Variants in KALRN observed in about 807,000 individuals in gnomAD.
KALRN encodes kalirin RhoGEF kinase.
In KALRN, 70 loss-of-function variants were observed where a neutral mutation model predicts 353.7. The observed-to-expected ratio is 0.20, with a 90% CI of 0.16 to 0.24. The LOEUF is 0.24. Among genes scored for constraint, KALRN ranks in the 10% least tolerant of loss-of-function variants. The probability of loss-of-function intolerance (pLI) is 1.00; values close to 1 mark genes in which losing one functional copy is unlikely to be tolerated. For missense variants in KALRN, 2,791 were observed against 3,756.7 expected (o/e 0.74, Z 6.72); for synonymous variants, 1,391 against 1,434.8 (o/e 0.97, Z 0.69).
chr3:124,580,384 G>GGT (rs1398227667), intron 34 of KALRN, among the ~76,000 whole-genome samples: 35 of 148,484 alleles, frequency 2.4e-4, no homozygotes, highest in Non-Finnish European at 2.8e-4. Context: ...GGGGAGGGGG[G>GGT]ACTCAGGCAG....
At chr3:124,518,665 TCTC>T (rs1372944344) in intron 33 of KALRN, 2 of 1,441,156 alleles carry the variant, frequency 1.4e-6, no homozygotes, top group Admixed American at 5.5e-5. Flanking sequence ...GCTCCCTTCT[TCTC>T]TACTGGGTGC....
intron 1 of KALRN, among the ~76,000 whole-genome samples, chr3:124,089,458 G>A (rs1032904590): frequency 2.6e-5 from 4 of 152,056 alleles, no homozygotes; most frequent in African/African-American, 4.8e-5. Flanking sequence ...GGGGGTGAAC[G>A]GCCTCCTGTT....
chr3:124,305,418 C>A (rs534622261), intron 6 of KALRN, among the ~76,000 whole-genome samples: 2 of 152,182 alleles, frequency 1.3e-5, no homozygotes, highest in East Asian at 3.9e-4. Context: ...TCAAAGAGAC[C>A]CAAATTTAAT....
intron 34 of KALRN, among the ~76,000 whole-genome samples, chr3:124,570,395 T>C (rs1203568797): frequency 6.6e-6 from 1 of 152,204 alleles, no homozygotes; most frequent in Admixed American, 6.5e-5. Context: ...AGATGTGAGG[T>C]AGTCCTTTGA....
chr3:124,123,493 T>C (rs2064280667), intron 1 of KALRN, among the ~76,000 whole-genome samples: 1 of 152,160 alleles, frequency 6.6e-6, no homozygotes, highest in Admixed American at 6.6e-5. Context: ...AGTTTGAAGC[T>C]AGCAGAGGTT....
Position 124,462,507 on chromosome 3 carries a change from CTG to C in KALRN, c.3922-15_3922-14del, listed in dbSNP as rs776377450. ...CCTGCCAGACTTGCCAGTGATGAAA[CTG>C]TTACTGTCTTACAGACCTACCTGTG... On this transcript the variant is annotated splice_polypyrimidine_tract_variant and intron_variant, in intron 24 of 59. Coordinates refer to ENST00000682506, the MANE Select transcript of KALRN (RefSeq NM_001388419.1). 19 of 1,456,534 alleles carry C rather than the reference CTG, an allele frequency of 1.3e-5. No homozygotes were observed. Among genetic ancestry groups the C allele is most frequent in the Non-Finnish European group, 1.6e-5 (17 of 1,039,226 alleles). The allele number at this position is 1,456,534 out of a possible 1,614,324, so 90.2% of individuals were successfully genotyped here.
chr3:124,292,663 G>C (rs893495571), intron 5 of KALRN, among the ~76,000 whole-genome samples: 6 of 152,146 alleles, frequency 3.9e-5, no homozygotes, highest in Non-Finnish European at 8.8e-5. Context: ...TGCATGTCTA[G>C]GTGGGTGGGC....
intron 2 of KALRN, among the ~76,000 whole-genome samples, chr3:124,232,948 A>T (rs2079339229): frequency 6.6e-6 from 1 of 152,166 alleles, no homozygotes; most frequent in Non-Finnish European, 1.5e-5. Context: ...TGCACTTTAA[A>T]ATCATATAAT....
chr3:124,595,094 T>C (rs557662306), intron 34 of KALRN, among the ~76,000 whole-genome samples: 30 of 152,120 alleles, frequency 2.0e-4, no homozygotes, highest in Admixed American at 5.2e-4. Flanking sequence ...ATGGGAAAAT[T>C]TGAAAATACA....
At chr3:124,247,546 A>T (rs1430364204) in intron 3 of KALRN, among the ~76,000 whole-genome samples, 3 of 152,292 alleles carry the variant, frequency 2.0e-5, no homozygotes, top group South Asian at 2.1e-4. Flanking sequence ...AATCAAATTT[A>T]AAAAAACTAA....
intron 8 of KALRN, among the ~76,000 whole-genome samples, chr3:124,333,769 T>A (rs2080845549): frequency 6.6e-6 from 1 of 152,028 alleles, no homozygotes; most frequent in Non-Finnish European, 1.5e-5. Context: ...GCACCTGTAA[T>A]CCCAGCTACT....
chr3:124,679,962 C>A (rs2087602179), intron 51 of KALRN, among the ~76,000 whole-genome samples: 1 of 152,222 alleles, frequency 6.6e-6, no homozygotes, highest in African/African-American at 2.4e-5. Context: ...CCTTTATCCT[C>A]TTCATCTTGC....
At chr3:124,190,911 CA>C (rs1175905135) in intron 1 of KALRN, among the ~76,000 whole-genome samples, 1 of 152,162 alleles carries the variant, frequency 6.6e-6, no homozygotes, top group Non-Finnish European at 1.5e-5. Context: ...TAAGTGTCCC[CA>C]ACTTCAGATA....
intron 34 of KALRN, among the ~76,000 whole-genome samples, chr3:124,571,759 TG>T (rs1318194611): frequency 2.0e-5 from 3 of 151,736 alleles, no homozygotes; most frequent in Non-Finnish European, 4.4e-5. Flanking sequence ...GGCAAATAGC[TG>T]GGACCACAGG....
At chr3:124,478,544 A>G (rs1456465971) in intron 27 of KALRN, among the ~76,000 whole-genome samples, 1 of 152,216 alleles carries the variant, frequency 6.6e-6, no homozygotes, top group Non-Finnish European at 1.5e-5. Context: ...TGGAGCATTA[A>G]TATGGAAATG....
intron 1 of KALRN, among the ~76,000 whole-genome samples, chr3:124,127,046 A>C (rs2064764941): frequency 6.6e-6 from 1 of 152,204 alleles, no homozygotes; most frequent in African/African-American, 2.4e-5. Flanking sequence ...CGATAATGAC[A>C]GGAGCCCCAA....
At chr3:124,114,521 G>A (rs1484054824) in intron 1 of KALRN, among the ~76,000 whole-genome samples, 1 of 152,170 alleles carries the variant, frequency 6.6e-6, no homozygotes, top group Non-Finnish European at 1.5e-5. Context: ...AAGACTTCGG[G>A]AACTCAGGCT....
At chr3:124,074,342 C>A (rs568627621) in intron 1 of KALRN, among the ~76,000 whole-genome samples, 28 of 152,268 alleles carry the variant, frequency 1.8e-4, no homozygotes, top group African/African-American at 5.3e-4. Context: ...TGGGCACTGT[C>A]ATGAAGAAGG....
chr3:124,426,033 A>G (rs3772752), intron 15 of KALRN, among the ~76,000 whole-genome samples: 1,753 of 152,302 alleles, frequency 0.012, 53 homozygotes, highest in Admixed American at 0.05. Context: ...CTCAAACCAG[A>G]TTCTCAGGAA....
Sources: allele counts gnomAD v4.1 joint callset (sites outside exome capture counted in the v4.1 genomes callset), GRCh38; gene constraint gnomAD v4.1.1; transcripts MANE v1.5; gene names NCBI Gene and HGNC (gene_info 2026-07-23, HGNC 2026-07-21).